The following TENM3 variants were observed in gnomAD, a reference collection of about 807,000 sequenced individuals.
TENM3 encodes the protein teneurin-3.
Under a neutral mutation model 255.1 loss-of-function variants are expected in TENM3, and 63 were observed. That is an observed-to-expected ratio of 0.25 (90% CI 0.20 to 0.30). TENM3 has a LOEUF of 0.30. Among genes scored for constraint, TENM3 ranks in the 10% least tolerant of loss-of-function variants. The probability of loss-of-function intolerance (pLI) is 1.00; values close to 1 mark genes in which losing one functional copy is unlikely to be tolerated. For synonymous variants in TENM3, 1,306 were observed against 1,322.3 expected (o/e 0.99, Z 0.27); for missense variants, 2,929 against 3,461.1 (o/e 0.85, Z 3.86).
the TENM3 span, among the ~76,000 whole-genome samples, chr4:181,498,558 T>C: frequency 1.3e-5 from 2 of 150,782 alleles, no homozygotes; most frequent in Admixed American, 1.3e-4. Flanking sequence ...AAATTATAGC[T>C]GTTGTCAAAT....
rs140338200 is a variant in TENM3 at position 182,748,719 on chromosome 4, C to T, written c.3630-3081C>T. On this transcript the variant is annotated intron_variant, in intron 19 of 27. Transcript: ENST00000511685. ...AGCTCTAATTTGCCATCCTAGCCTG[C>T]GCTGCTGGGAATTTGTCAAGTTCTC... Among the ~76,000 whole-genome samples, 590 of 152,302 alleles carry T rather than the reference C, an allele frequency of 3.9e-3. 1 individual carries two copies. Among genetic ancestry groups the T allele is most frequent in the Non-Finnish European group, 6.0e-3 (405 of 68,018 alleles).
chr4:182,456,796 C>T lies in TENM3; in HGVS notation c.511+109867C>T, dbSNP rs374194238. 9.2e-5 allele frequency among the ~76,000 whole-genome samples: 14 copies of T among 152,158 alleles called. No individual in the cohort carries two copies. The East Asian group carries it at 9.7e-4, about 11-fold the overall frequency. ...TTGGAAGGACTGACAAATGTTTTGC[C>T]GTCGAGAGATTTACAGGTGAGGAGT... On this transcript the variant is annotated intron_variant, in intron 3 of 27. Transcript: ENST00000511685.
the TENM3 span, among the ~76,000 whole-genome samples, chr4:181,667,063 T>G: frequency 6.6e-6 from 1 of 152,198 alleles, no homozygotes; most frequent in Admixed American, 6.6e-5. Flanking sequence ...ATGTACATTC[T>G]TACACATGCA....
At chr4:182,340,538 T>A (rs955607993) in intron 2 of TENM3, among the ~76,000 whole-genome samples, 40 of 152,196 alleles carry the variant, frequency 2.6e-4, no homozygotes, top group African/African-American at 9.7e-4. Context: ...TGAATAAAGA[T>A]TTGTAGCCTC....
At chr4:182,330,446 G>A (rs1387368251) in intron 2 of TENM3, among the ~76,000 whole-genome samples, 5 of 152,148 alleles carry the variant, frequency 3.3e-5, no homozygotes, top group Non-Finnish European at 5.9e-5. Context: ...CTTCCTCCTC[G>A]TATAGGGAGG....
intron 3 of TENM3, among the ~76,000 whole-genome samples, chr4:182,517,841 C>A (rs1256214506): frequency 3.9e-5 from 6 of 152,136 alleles, no homozygotes; most frequent in Non-Finnish European, 1.5e-5. Flanking sequence ...ACTCATAGTA[C>A]ACTGAAAAAG....
the TENM3 span, among the ~76,000 whole-genome samples, chr4:181,465,513 A>T: frequency 5.3e-5 from 8 of 152,186 alleles, no homozygotes; most frequent in African/African-American, 1.9e-4. Context: ...ACATCACATA[A>T]AGTCAAATGC....
chr4:182,066,714 T>C, the TENM3 span, among the ~76,000 whole-genome samples: 154 of 151,544 alleles, frequency 1.0e-3, no homozygotes, highest in East Asian at 1.9e-3. Flanking sequence ...ATCGAGACCG[T>C]CCTGGCTAAC....
At chr4:181,749,931 A>G in the TENM3 span, among the ~76,000 whole-genome samples, 1 of 152,088 alleles carries the variant, frequency 6.6e-6, no homozygotes, top group African/African-American at 2.4e-5. Flanking sequence ...TCACAGTACC[A>G]TTAATTATTT....
chr4:181,695,959 C>T, the TENM3 span, among the ~76,000 whole-genome samples: 1 of 151,502 alleles, frequency 6.6e-6, no homozygotes, highest in Non-Finnish European at 1.5e-5. Context: ...TAAAACAGCA[C>T]TTCCATGCAA....
chr4:182,256,863 T>C (rs753023321), intron 1 of TENM3, among the ~76,000 whole-genome samples: 1 of 152,136 alleles, frequency 6.6e-6, no homozygotes, highest in African/African-American at 2.4e-5. Flanking sequence ...TGGATTATTA[T>C]TTTTAGCTTA....
At chr4:182,595,687 A>G (rs1747143592) in intron 3 of TENM3, among the ~76,000 whole-genome samples, 1 of 152,186 alleles carries the variant, frequency 6.6e-6, no homozygotes, top group African/African-American at 2.4e-5. Flanking sequence ...TTTGGGTATG[A>G]TGCATAATTT....
the TENM3 span, among the ~76,000 whole-genome samples, chr4:182,061,795 C>CA: frequency 8.7e-4 from 129 of 147,686 alleles, no homozygotes; most frequent in Middle Eastern, 3.5e-3. Flanking sequence ...ACCATCTCTA[C>CA]AAAAAAAAAA....
chr4:182,731,927 G>A (rs7680015), intron 16 of TENM3, among the ~76,000 whole-genome samples: 2,268 of 151,762 alleles, frequency 0.015, 69 homozygotes, highest in African/African-American at 0.053. Flanking sequence ...GACTACAGGC[G>A]ACTGCCACCA....
At chr4:182,114,462 C>T in the TENM3 span, among the ~76,000 whole-genome samples, 1 of 148,934 alleles carries the variant, frequency 6.7e-6, no homozygotes, top group Non-Finnish European at 1.5e-5. Flanking sequence ...TTTTAGGGAA[C>T]TTCTTTTTTT....
At chr4:182,331,760 A>T (rs1021346850) in intron 2 of TENM3, among the ~76,000 whole-genome samples, 1 of 152,312 alleles carries the variant, frequency 6.6e-6, no homozygotes, top group South Asian at 2.1e-4. Flanking sequence ...TCAGTAGGAT[A>T]AAAAGGACCA....
Position 182,753,788 on chromosome 4 carries a change from A to G in TENM3, c.4017+184A>G, listed in dbSNP as rs535682279. On this transcript the variant is annotated intron_variant, in intron 21 of 27. Transcript: ENST00000511685. ...AAGTTATTTTCTTCTATAATTCTAC[A>G]TTTGATGAATTCAGTGAGATACAGA... Among the ~76,000 whole-genome samples the G allele has an allele frequency of 4.8e-4, 73 of 152,312 alleles. 3 individuals carry two copies. The South Asian group carries it at 0.015, about 32-fold the overall frequency.
chr4:181,957,176 GAC>G, the TENM3 span, among the ~76,000 whole-genome samples: 14 of 152,136 alleles, frequency 9.2e-5, no homozygotes, highest in African/African-American at 3.4e-4. Context: ...AATCCATGTA[GAC>G]TGTGTAAAGA....
intron 24 of TENM3, among the ~76,000 whole-genome samples, chr4:182,778,152 G>T (rs910721190): frequency 5.3e-5 from 8 of 151,860 alleles, no homozygotes; most frequent in Non-Finnish European, 1.0e-4. Context: ...GTTTTATCAG[G>T]GCTGGATTGT....
Sources: allele counts gnomAD v4.1 joint callset (sites outside exome capture counted in the v4.1 genomes callset), GRCh38; gene constraint gnomAD v4.1.1; transcripts MANE v1.5; gene names NCBI Gene and HGNC (gene_info 2026-07-23, HGNC 2026-07-21).